Variants in AKNA observed in about 807,000 individuals in gnomAD.
The protein encoded by AKNA is AT-hook transcription factor.
A neutral mutation model predicts 138.8 loss-of-function variants in AKNA; 67 were observed. The observed-to-expected ratio is 0.48, with a 90% CI of 0.40 to 0.59. AKNA has a LOEUF of 0.59. AKNA is among the 20% of genes least tolerant of loss of function. The pLI is 0.00. For missense variants in AKNA, 1,813 were observed against 1,880.4 expected, an observed-to-expected ratio of 0.96 and a Z score of 0.66; for synonymous variants, 737 against 754.4, an observed-to-expected ratio of 0.98 and a Z score of 0.38.
chr9:114,344,208 G>A lies in AKNA; in HGVS notation c.3662-405C>T, dbSNP rs145391106. ...CAAGTGATGCTATTCCCCACACCCCGACTTGCTGGTTTGGTTCTGAATGGC... is the reference window on the plus strand; with the variant it reads ...CAAGTGATGCTATTCCCCACACCCCAACTTGCTGGTTTGGTTCTGAATGGC... On this transcript the variant is annotated intron_variant, in intron 18 of 21. Coordinates refer to ENST00000374088, the MANE Select transcript of AKNA (RefSeq NM_001317950.2). The A allele has an allele frequency of 4.2e-3, 822 of 193,560 alleles. 9 individuals carry two copies. The highest frequency in any genetic ancestry group is 0.019 in the African/African-American group (781 of 41,894). The allele number at this position is 193,560 out of a possible 1,614,324, so 12.0% of individuals were successfully genotyped here. A position where few individuals can be genotyped will look rare whatever the true frequency, so the allele number is the denominator to read the frequency against.
chr9:114,388,036 C>G (rs763458374), upstream of AKNA: 1 of 271,440 alleles, frequency 3.7e-6, no homozygotes, highest in African/African-American at 2.2e-5. Flanking sequence ...TCTCCCCGCC[C>G]CTGCCGTGGT....
upstream of AKNA, among the ~76,000 whole-genome samples, chr9:114,397,620 G>C (rs1422364118): frequency 1.3e-5 from 2 of 152,164 alleles, no homozygotes; most frequent in East Asian, 3.9e-4. Flanking sequence ...TGGAAGTGTC[G>C]TCTAAGGTCA....
chr9:114,374,068 C>T lies in AKNA; in HGVS notation c.1416+25G>A, dbSNP rs1430982302. On this transcript the variant is annotated intron_variant, in intron 4 of 21. Coordinates refer to ENST00000374088, the MANE Select transcript of AKNA (RefSeq NM_001317950.2). ...ACCTCCTCGGGGACTTGGGCCCATG[C>T]CTCCACCCCATCCCGGCCTGGTACC... 3 of 1,551,888 alleles carry T rather than the reference C, an allele frequency of 1.9e-6. No individual in the cohort carries two copies. In the East Asian group the frequency reaches 7.3e-5, roughly 38 times the overall value.
chr9:114,365,868 A>C (rs1421553821), intron 6 of AKNA, among the ~76,000 whole-genome samples: 3 of 152,256 alleles, frequency 2.0e-5, no homozygotes, highest in African/African-American at 7.2e-5. Flanking sequence ...TGGACCGTGC[A>C]GCACTAGACA....
At chr9:114,360,758 T>C (rs561752510) in intron 9 of AKNA, among the ~76,000 whole-genome samples, 16 of 152,292 alleles carry the variant, frequency 1.1e-4, no homozygotes, top group African/African-American at 3.8e-4. Context: ...TTGGGAGGCA[T>C]AGAGACCCCA....
At chr9:114,368,932 A>G (rs1286208614) in intron 4 of AKNA, among the ~76,000 whole-genome samples, 1 of 152,200 alleles carries the variant, frequency 6.6e-6, no homozygotes, top group Non-Finnish European at 1.5e-5. Flanking sequence ...TCTGACCCCA[A>G]CACCTATGGT....
chr9:114,359,835 G>A lies in AKNA; in HGVS notation c.2292-41C>T, dbSNP rs777933997. The A allele has an allele frequency of 3.7e-6, 6 of 1,612,582 alleles. No individual in the cohort carries two copies. The South Asian group carries it at 6.6e-5, about 18-fold the overall frequency. On this transcript the variant is annotated intron_variant, in intron 10 of 21. Coordinates refer to ENST00000374088, the MANE Select transcript of AKNA (RefSeq NM_001317950.2). Reference sequence around the variant, plus strand: ...CAGAGGGGCATGACCTCTGCCCAGTGGGGGACAGCCAAGATCCAGCTGCTG... The same window carrying A: ...CAGAGGGGCATGACCTCTGCCCAGTAGGGGACAGCCAAGATCCAGCTGCTG...
chr9:114,384,460 T>C (rs544672996), intron 1 of AKNA, among the ~76,000 whole-genome samples: 1 of 152,254 alleles, frequency 6.6e-6, no homozygotes, highest in East Asian at 1.9e-4. Flanking sequence ...AATGACAGTT[T>C]GAACCACACA....
chr9:114,384,833 C>G (rs1833919506), intron 1 of AKNA, among the ~76,000 whole-genome samples: 1 of 151,966 alleles, frequency 6.6e-6, no homozygotes, highest in East Asian at 1.9e-4. Context: ...CACTCCTAAC[C>G]CCTGTATTAT....
At chr9:114,348,108 T>C (rs1397994891) in intron 15 of AKNA, among the ~76,000 whole-genome samples, 2 of 152,224 alleles carry the variant, frequency 1.3e-5, no homozygotes, top group African/African-American at 2.4e-5. Flanking sequence ...CCCTGTGCAG[T>C]GAACAAAACA....
chr9:114,351,254 C>T (rs551791303), intron 14 of AKNA, among the ~76,000 whole-genome samples: 1 of 152,232 alleles, frequency 6.6e-6, no homozygotes, highest in East Asian at 1.9e-4. Flanking sequence ...TAACCAGAAC[C>T]CCTCCTCCCA....
At chr9:114,344,996 A>G (rs1830585528) in intron 18 of AKNA, 1 of 151,864 alleles carries the variant, frequency 6.6e-6, no homozygotes, top group Non-Finnish European at 1.5e-5. Flanking sequence ...TGCCTTTACT[A>G]TAATTACCTA....
At chr9:114,360,237 T>G (rs1831847758) in intron 9 of AKNA, 175 bp from the exon 10 acceptor site, 2 of 762,870 alleles carry the variant, frequency 2.6e-6, no homozygotes, top group Admixed American at 4.5e-5. Flanking sequence ...CTGTGTGGTC[T>G]TCGATACTGG....
chr9:114,347,984 G>C (rs888575486), intron 15 of AKNA, 84 bp from the exon 16 acceptor site: 3 of 1,453,650 alleles, frequency 2.1e-6, no homozygotes, highest in Non-Finnish European at 2.8e-6. Flanking sequence ...GGATGCGGCA[G>C]CCTTTGTCCC....
chr9:114,344,616 G>A (rs566010794), intron 18 of AKNA: 1 of 152,386 alleles, frequency 6.6e-6, no homozygotes, highest in Non-Finnish European at 1.5e-5. Flanking sequence ...CTGAGGGTCA[G>A]AGAGGCTCAG....
chr9:114,343,671 A>G (rs1411738211), intron 19 of AKNA, 37 bp downstream of exon 19: 2 of 1,599,922 alleles, frequency 1.3e-6, no homozygotes, highest in South Asian at 2.2e-5. Context: ...CTGCAGCCAC[A>G]GCTGCCTGGG....
chr9:114,375,190 A>T (rs1204187720), intron 3 of AKNA, among the ~76,000 whole-genome samples: 1 of 152,164 alleles, frequency 6.6e-6, no homozygotes, highest in Non-Finnish European at 1.5e-5. Context: ...ACCTAACAAT[A>T]TTCAAGAAAA....
chr9:114,358,875 A>C (rs1831706250), intron 11 of AKNA, among the ~76,000 whole-genome samples: 1 of 151,824 alleles, frequency 6.6e-6, no homozygotes, highest in African/African-American at 2.4e-5. Flanking sequence ...CCTAATGTTA[A>C]ATGACGAGTT....
intron 6 of AKNA, among the ~76,000 whole-genome samples, chr9:114,366,394 C>T (rs185894620): frequency 2.6e-5 from 4 of 152,054 alleles, no homozygotes; most frequent in African/African-American, 9.7e-5. Flanking sequence ...ACAAATATTG[C>T]GTGAATCTAT....
Sources: allele counts gnomAD v4.1 joint callset (sites outside exome capture counted in the v4.1 genomes callset), GRCh38; gene constraint gnomAD v4.1.1; transcripts MANE v1.5; gene names NCBI Gene and HGNC (gene_info 2026-07-23, HGNC 2026-07-21).